Variants in SLX4IP observed in about 807,000 individuals in gnomAD.
SLX4IP encodes SLX4 interacting protein, also known as protein SLX4IP.
A neutral mutation model predicts 32.9 loss-of-function variants in SLX4IP; 34 were observed. The ratio of observed to expected loss-of-function variants is 1.03; its 90% CI spans 0.79 to 1.38. SLX4IP has a LOEUF of 1.38. Among genes scored for constraint, SLX4IP ranks in the 40% most tolerant of loss-of-function variants. The pLI, the probability that SLX4IP is intolerant of heterozygous loss-of-function variation, is 0.00. For synonymous variants in SLX4IP, 172 were observed against 171.7 expected, an observed-to-expected ratio of 1.00 and a Z score of -0.01; for missense variants, 444 against 479.0, an observed-to-expected ratio of 0.93 and a Z score of 0.68.
chr20:10,534,197 C>T (rs2066016478), intron 2 of SLX4IP, among the ~76,000 whole-genome samples: 1 of 152,090 alleles, frequency 6.6e-6, no homozygotes, highest in Admixed American at 6.5e-5. Flanking sequence ...AGGCCCTGGG[C>T]ACCATTAGAA....
At chr20:10,568,442 T>C (rs1343908714) in intron 4 of SLX4IP, among the ~76,000 whole-genome samples, 2 of 152,244 alleles carry the variant, frequency 1.3e-5, no homozygotes, top group African/African-American at 4.8e-5. Context: ...TCTGTAGTAC[T>C]GATGCTAGGT....
intron 4 of SLX4IP, among the ~76,000 whole-genome samples, chr20:10,565,151 C>A (rs900237052): frequency 9.2e-5 from 14 of 152,128 alleles, no homozygotes; most frequent in African/African-American, 3.4e-4. Context: ...CCTCTGCTGC[C>A]AGAGTGGCCT....
chr20:10,559,834 T>C (rs2066310945), intron 3 of SLX4IP, among the ~76,000 whole-genome samples: 2 of 152,322 alleles, frequency 1.3e-5, no homozygotes, highest in South Asian at 2.1e-4. Flanking sequence ...AATTATATTA[T>C]TTTCACTGTT....
At chr20:10,614,210 A>T in intron 6 of SLX4IP, 1 of 671,514 alleles carries the variant, frequency 1.5e-6, no homozygotes, top group Non-Finnish European at 2.6e-6. Context: ...GTTGAATGTA[A>T]CAGAATCAGA....
At chr20:10,538,308 TG>T (rs2066067672) in intron 2 of SLX4IP, among the ~76,000 whole-genome samples, 1 of 152,240 alleles carries the variant, frequency 6.6e-6, no homozygotes, top group South Asian at 2.1e-4. Flanking sequence ...TTCTCTACTT[TG>T]GCACTAATGA....
intron 2 of SLX4IP, among the ~76,000 whole-genome samples, chr20:10,550,218 C>T (rs2066204224): frequency 6.6e-6 from 1 of 152,182 alleles, no homozygotes; most frequent in African/African-American, 2.4e-5. Flanking sequence ...TGTTTTTACC[C>T]TTGTTTGCTT....
intron 2 of SLX4IP, among the ~76,000 whole-genome samples, chr20:10,487,954 A>G (rs668965): frequency 0.39 from 59,372 of 151,882 alleles, 11,818 homozygotes; most frequent in Non-Finnish European, 0.43. Context: ...CCTTTGTGAG[A>G]TATCAGTTTT....
intron 4 of SLX4IP, among the ~76,000 whole-genome samples, chr20:10,571,995 A>G (rs1228696657): frequency 6.6e-6 from 1 of 152,006 alleles, no homozygotes; most frequent in African/African-American, 2.4e-5. Flanking sequence ...ACCCCACCCC[A>G]GGTCTTTGTT....
At chr20:10,530,725 G>A (rs913031410) in intron 2 of SLX4IP, among the ~76,000 whole-genome samples, 6 of 151,950 alleles carry the variant, frequency 3.9e-5, no homozygotes, top group Non-Finnish European at 5.9e-5. Context: ...TTTAAAAATT[G>A]ATTTGATTAT....
intron 2 of SLX4IP, among the ~76,000 whole-genome samples, chr20:10,467,973 A>G (rs1346245477): frequency 1.3e-5 from 2 of 151,944 alleles, no homozygotes; most frequent in African/African-American, 2.4e-5. Context: ...CTTTTTTTGG[A>G]TGACTAAAAA....
At chr20:10,478,792 C>T (rs1473778765) in intron 2 of SLX4IP, among the ~76,000 whole-genome samples, 8 of 152,162 alleles carry the variant, frequency 5.3e-5, no homozygotes, top group Admixed American at 5.2e-4. Flanking sequence ...CCCCAGACTC[C>T]TTTGTAAAAG....
intron 4 of SLX4IP, among the ~76,000 whole-genome samples, chr20:10,595,703 G>A (rs139718175): frequency 9.8e-4 from 149 of 152,308 alleles, no homozygotes; most frequent in African/African-American, 3.5e-3. Flanking sequence ...TTTCAGTGCA[G>A]TATGTTTCAA....
At chr20:10,548,378 A>T (rs1442743560) in intron 2 of SLX4IP, among the ~76,000 whole-genome samples, 1 of 152,116 alleles carries the variant, frequency 6.6e-6, no homozygotes, top group Non-Finnish European at 1.5e-5. Context: ...AGCTGGGACT[A>T]CAGGCGCCCG....
chr20:10,529,904 CA>C (rs1206428922), intron 2 of SLX4IP, among the ~76,000 whole-genome samples: 10 of 152,190 alleles, frequency 6.6e-5, no homozygotes, highest in African/African-American at 2.4e-4. Flanking sequence ...TGAAGAAGTC[CA>C]AGACCATATG....
chr20:10,572,992 CAAATTTTTCCTATT>C (rs1004746376), intron 4 of SLX4IP, among the ~76,000 whole-genome samples: 6 of 152,196 alleles, frequency 3.9e-5, no homozygotes, highest in African/African-American at 1.4e-4. Flanking sequence ...CCAAAACAAG[CAAATTTTTCCTATT>C]CTTTCCTCTG....
intron 2 of SLX4IP, among the ~76,000 whole-genome samples, chr20:10,514,553 A>G (rs946793865): frequency 1.3e-5 from 2 of 152,218 alleles, no homozygotes; most frequent in Non-Finnish European, 2.9e-5. Context: ...CCTCTGTACA[A>G]TGCATTAAGT....
At chr20:10,506,580 A>G (rs2065761764) in intron 2 of SLX4IP, among the ~76,000 whole-genome samples, 2 of 152,246 alleles carry the variant, frequency 1.3e-5, no homozygotes, top group Admixed American at 6.5e-5. Context: ...GAAGATGTTT[A>G]TGATTGCTAT....
At chr20:10,560,873 C>A in intron 4 of SLX4IP, 53 bp downstream of exon 4, 2 of 1,483,118 alleles carry the variant, frequency 1.3e-6, no homozygotes, top group South Asian at 1.4e-5. Flanking sequence ...ATTTCTGCTC[C>A]GTAGAGATGG....
intron 2 of SLX4IP, among the ~76,000 whole-genome samples, chr20:10,540,587 T>G (rs1002726437): frequency 6.6e-6 from 1 of 152,164 alleles, no homozygotes; most frequent in African/African-American, 2.4e-5. Context: ...GCTTTCAACC[T>G]CACTCTAAAT....
Sources: allele counts gnomAD v4.1 joint callset (sites outside exome capture counted in the v4.1 genomes callset), GRCh38; gene constraint gnomAD v4.1.1; transcripts MANE v1.5; gene names NCBI Gene and HGNC (gene_info 2026-07-23, HGNC 2026-07-21).